The following ANKRD42 variants were observed in gnomAD, a reference collection of about 807,000 sequenced individuals.
ANKRD42 encodes the protein ankyrin repeat domain 42.
Under a neutral mutation model 51.5 loss-of-function variants are expected in ANKRD42, and 43 were observed. The observed-to-expected ratio is 0.83, with a 90% CI of 0.65 to 1.08. ANKRD42 has a LOEUF of 1.08. ANKRD42 is among the 50% of genes least tolerant of loss of function. ANKRD42 has a pLI of 0.00. For missense variants in ANKRD42, 608 were observed against 629.3 expected, an observed-to-expected ratio of 0.97 and a Z score of 0.36; for synonymous variants, 203 against 213.0, an observed-to-expected ratio of 0.95 and a Z score of 0.41.
chr11:83,255,695 T>C, intron 11 of ANKRD42: 1 of 585,374 alleles, frequency 1.7e-6, no homozygotes, highest in Admixed American at 3.4e-5. Context: ...CATTTGGGAA[T>C]TTATTCACAT....
chr11:83,224,615 T>A (rs1862816032), intron 5 of ANKRD42, among the ~76,000 whole-genome samples: 1 of 152,142 alleles, frequency 6.6e-6, no homozygotes. Context: ...TTATTTTAGT[T>A]TCAATTTAAA....
intron 5 of ANKRD42, chr11:83,212,956 C>G: frequency 1.9e-6 from 3 of 1,546,766 alleles, no homozygotes; most frequent in Non-Finnish European, 2.6e-6. Flanking sequence ...CAAAAAGCCC[C>G]TCTCTCGGCG....
chr11:83,240,464 G>T (rs1429001311), intron 8 of ANKRD42, among the ~76,000 whole-genome samples: 1 of 152,190 alleles, frequency 6.6e-6, no homozygotes, highest in Non-Finnish European at 1.5e-5. Flanking sequence ...AGCTCTGCTT[G>T]AGAGCATACT....
intron 7 of ANKRD42, among the ~76,000 whole-genome samples, chr11:83,229,980 C>T (rs755754817): frequency 2.0e-5 from 3 of 152,062 alleles, no homozygotes; most frequent in Non-Finnish European, 4.4e-5. Flanking sequence ...AGCATTTATC[C>T]TTTGTGTTAT....
At chr11:83,256,034 A>T in exon 12 of ANKRD42, 1 of 828,730 alleles carries the variant, frequency 1.2e-6, no homozygotes, top group South Asian at 2.0e-5. Flanking sequence ...TTACTCTGAT[A>T]TGCTTCTGTT....
chr11:83,242,567 G>GTTTTTTTTTTTTT (rs539259244), intron 9 of ANKRD42, among the ~76,000 whole-genome samples: 1,761 of 115,402 alleles, frequency 0.015, 152 homozygotes, highest in African/African-American at 0.056. Flanking sequence ...TGGTAGTTAA[G>GTTTTTTTTTTTTT]TTTTTTTTTT....
At chr11:83,238,183 A>C (rs1421672966) in intron 8 of ANKRD42, among the ~76,000 whole-genome samples, 1 of 152,166 alleles carries the variant, frequency 6.6e-6, no homozygotes, top group African/African-American at 2.4e-5. Context: ...AGCATTCCAT[A>C]ATTCGATTAT....
chr11:83,226,210 T>C (rs1862877799), intron 6 of ANKRD42, among the ~76,000 whole-genome samples: 1 of 151,026 alleles, frequency 6.6e-6, no homozygotes, highest in Admixed American at 6.6e-5. Flanking sequence ...TATGTACACA[T>C]ACACACACAC....
At chr11:83,250,677 A>G (rs190834020), downstream of ANKRD42, among the ~76,000 whole-genome samples, 1 of 152,284 alleles carries the variant, frequency 6.6e-6, no homozygotes, top group East Asian at 1.9e-4. Context: ...TGGTGCTTGA[A>G]TTAAAAAAAA....
rs760939649 is a variant in ANKRD42 at position 83,210,307 on chromosome 11, T to C, written c.338T>C (p.Ile113Thr). The part of the protein sequence containing the change: ...RGQDACVQAL[I>T]MNGANLTAQD... ...CTATTTCTCTATTTTTAGGCTCTTATAATGAATGGAGCAAATCTGACAGCC... is the reference window on the plus strand; with the variant it reads ...CTATTTCTCTATTTTTAGGCTCTTACAATGAATGGAGCAAATCTGACAGCC... Residue 113 changes from isoleucine (I) to threonine (T), a missense_variant, in exon 4 of 11, where the codon ATA (isoleucine) becomes ACA (threonine). Transcript: ENST00000533342. The C allele has an allele frequency of 5.0e-5, 81 of 1,613,504 alleles. No individual in the cohort carries two copies. The highest frequency in any genetic ancestry group is 2.5e-4 in the Admixed American group (15 of 60,002).
intron 11 of ANKRD42, among the ~76,000 whole-genome samples, chr11:83,254,436 T>C (rs1381375738): frequency 1.6e-5 from 2 of 124,322 alleles, no homozygotes. Context: ...TTTTCTTTTC[T>C]TTTTTTTTTT....
intron 6 of ANKRD42, among the ~76,000 whole-genome samples, chr11:83,226,533 A>G (rs1395530992): frequency 6.6e-6 from 1 of 152,250 alleles, no homozygotes; most frequent in African/African-American, 2.4e-5. Context: ...TATTTTTAAA[A>G]TAACAAAGTT....
chr11:83,261,851 A>C (rs373174461), downstream of ANKRD42: 2 of 1,250,026 alleles, frequency 1.6e-6, no homozygotes, highest in African/African-American at 3.1e-5. Flanking sequence ...TGTTCAAAGT[A>C]AATCTCTCCC....
rs1234171008 is a variant in ANKRD42 at position 83,194,122 on chromosome 11, A to G, written c.-549A>G. On this transcript the variant is annotated 5_prime_UTR_variant, in exon 1 of 11. Coordinates refer to ENST00000533342, the MANE Select transcript of ANKRD42 (RefSeq NM_001300975.2). Reference sequence around the variant, plus strand: ...CCACAGTCACAGCTGCTCTTGGGAGAGAGTTAGGGGAGACAGCACCTTCTG... The same window carrying G: ...CCACAGTCACAGCTGCTCTTGGGAGGGAGTTAGGGGAGACAGCACCTTCTG... 2.2e-6 allele frequency: 1 copy of G among 456,404 alleles called. No individual in the cohort carries two copies. 28.3% of individuals were successfully genotyped at this position (456,404 alleles called of 1,614,324 possible).
chr11:83,239,117 G>A (rs570723035), intron 8 of ANKRD42, among the ~76,000 whole-genome samples: 1 of 152,248 alleles, frequency 6.6e-6, no homozygotes, highest in East Asian at 1.9e-4. Flanking sequence ...TAATGAAATA[G>A]GTATGTAGTG....
In ANKRD42 at chr11:83,243,527, TACTC is replaced by T. The variant is rs1863451045; in HGVS notation, c.1196-1967_1196-1964del. ...TAATGAAATTATTATATAAGCTAAA[TACTC>T]ACTGCTCTTTCAGTCTTTTCTGACA... On this transcript the variant is annotated intron_variant, in intron 9 of 10. Coordinates refer to ENST00000533342, the MANE Select transcript of ANKRD42 (RefSeq NM_001300975.2). 2.0e-5 allele frequency among the ~76,000 whole-genome samples: 3 copies of T among 152,216 alleles called. No homozygotes were observed. The South Asian group carries it at 6.2e-4, about 31-fold the overall frequency.
intron 6 of ANKRD42, among the ~76,000 whole-genome samples, chr11:83,225,866 T>A (rs1862865831): frequency 6.6e-6 from 1 of 151,868 alleles, no homozygotes. Context: ...TACCTTTTCT[T>A]CCTCCTCAAG....
chr11:83,207,074 A>G lies in ANKRD42; in HGVS notation c.330+909A>G, dbSNP rs374462013. ...CTGGGAAGGCCTCAGGAAACTTACA[A>G]TCATGGTGGAAGGGGAAGCAAACAC... is the stretch of plus-strand genomic sequence containing the variant. On this transcript the variant is annotated intron_variant, in intron 3 of 10. Transcript: ENST00000533342. 3.0e-4 allele frequency among the ~76,000 whole-genome samples: 46 copies of G among 152,314 alleles called. No homozygotes were observed. In the East Asian group the frequency reaches 5.4e-3, roughly 18 times the overall value.
At chr11:83,258,761 AAAC>A (rs1453880326), downstream of ANKRD42, among the ~76,000 whole-genome samples, 4 of 152,100 alleles carry the variant, frequency 2.6e-5, no homozygotes, top group Admixed American at 2.0e-4. Flanking sequence ...CTTAAAAAAT[AAAC>A]AAGTGTTACA....
Sources: allele counts gnomAD v4.1 joint callset (sites outside exome capture counted in the v4.1 genomes callset), GRCh38; gene constraint gnomAD v4.1.1; transcripts MANE v1.5; gene names NCBI Gene and HGNC (gene_info 2026-07-23, HGNC 2026-07-21).